PTPRD: variants seen among roughly 807,000 people sequenced by gnomAD.
PTPRD encodes protein tyrosine phosphatase receptor type D.
Under a neutral mutation model 214.5 loss-of-function variants are expected in PTPRD, and 34 were observed. The observed-to-expected ratio is 0.16, with a 90% CI of 0.12 to 0.21. The LOEUF (loss-of-function observed/expected upper bound fraction) is 0.21. Ranked by LOEUF, PTPRD falls within the 10% of genes least tolerant of loss-of-function variation. PTPRD has a pLI of 1.00. For missense variants in PTPRD, 2,545 were observed against 2,398.7 expected (o/e 1.06, Z -1.27); for synonymous variants, 1,128 against 845.7 (o/e 1.33, Z -5.79).
At chr9:9,371,081 GT>G (rs200027903) in intron 9 of PTPRD, among the ~76,000 whole-genome samples, 37,711 of 151,476 alleles carry the variant, frequency 0.25, 6,164 homozygotes, top group African/African-American at 0.45. Flanking sequence ...CTCTTTTTTT[GT>G]TTTTTTCTCT....
chr9:8,447,941 T>C (rs2095798842), intron 34 of PTPRD, among the ~76,000 whole-genome samples: 1 of 152,196 alleles, frequency 6.6e-6, no homozygotes, highest in Non-Finnish European at 1.5e-5. Context: ...CAAGGAATCA[T>C]GTAGCAGATC....
At chr9:9,793,963 CA>C (rs1387542568) in intron 5 of PTPRD, among the ~76,000 whole-genome samples, 1 of 151,830 alleles carries the variant, frequency 6.6e-6, no homozygotes, top group Non-Finnish European at 1.5e-5. Context: ...GAAGAATAAT[CA>C]AAAGGAGTAA....
intron 9 of PTPRD, among the ~76,000 whole-genome samples, chr9:9,313,761 A>G (rs1303532195): frequency 6.6e-6 from 1 of 152,210 alleles, no homozygotes; most frequent in African/African-American, 2.4e-5. Flanking sequence ...TCCACAGGCA[A>G]AGAATAACAA....
intron 7 of PTPRD, among the ~76,000 whole-genome samples, chr9:9,594,079 T>C (rs1344990079): frequency 2.0e-5 from 3 of 152,038 alleles, no homozygotes; most frequent in East Asian, 1.9e-4. Flanking sequence ...TCCTGTTGCA[T>C]TGAAAATATC....
At chr9:10,006,154 T>A (rs1406706404) in intron 4 of PTPRD, among the ~76,000 whole-genome samples, 1 of 152,038 alleles carries the variant, frequency 6.6e-6, no homozygotes, top group Non-Finnish European at 1.5e-5. Flanking sequence ...AGAGAAGCAC[T>A]AAAAATGTAA....
chr9:10,275,138 A>G (rs1382658923), intron 3 of PTPRD, among the ~76,000 whole-genome samples: 1 of 152,170 alleles, frequency 6.6e-6, no homozygotes, highest in African/African-American at 2.4e-5. Flanking sequence ...AGGACACTGT[A>G]TTACAGTGAT....
chr9:10,436,292 T>C (rs1450234853), intron 2 of PTPRD, among the ~76,000 whole-genome samples: 1 of 151,788 alleles, frequency 6.6e-6, no homozygotes, highest in Middle Eastern at 3.2e-3. Context: ...ATAAATCACA[T>C]AAATTGTTTT....
At chr9:9,136,055 C>T (rs1296858681) in intron 10 of PTPRD, among the ~76,000 whole-genome samples, 1 of 152,106 alleles carries the variant, frequency 6.6e-6, no homozygotes, top group African/African-American at 2.4e-5. Context: ...GAGAGAACAA[C>T]ATATTTCTTT....
At chr9:9,175,640 A>C (rs1012512342) in intron 10 of PTPRD, among the ~76,000 whole-genome samples, 14 of 151,308 alleles carry the variant, frequency 9.3e-5, no homozygotes, top group African/African-American at 2.9e-4. Context: ...AAAAAAAAAA[A>C]AAAAAAAAAA....
chr9:8,466,285 G>T (rs896965432), intron 31 of PTPRD, among the ~76,000 whole-genome samples: 1 of 151,896 alleles, frequency 6.6e-6, no homozygotes, highest in Admixed American at 6.6e-5. Context: ...CAATTAGGGT[G>T]CACTTCCTTA....
chr9:10,342,751 A>G, intron 2 of PTPRD, among the ~76,000 whole-genome samples: 1 of 152,120 alleles, frequency 6.6e-6, no homozygotes, highest in Non-Finnish European at 1.5e-5. Flanking sequence ...AGACTAAAGC[A>G]AAGTAAGTTA....
intron 2 of PTPRD, among the ~76,000 whole-genome samples, chr9:10,530,440 A>G (rs966680405): frequency 4.6e-5 from 7 of 152,212 alleles, no homozygotes; most frequent in African/African-American, 1.7e-4. Context: ...GTCTTGCAAA[A>G]AGTACATTTT....
chr9:8,821,391 C>T (rs984507111), intron 11 of PTPRD, among the ~76,000 whole-genome samples: 3 of 152,132 alleles, frequency 2.0e-5, no homozygotes, highest in African/African-American at 7.2e-5. Context: ...CCATAGTCTA[C>T]CCCACGCATC....
At chr9:8,531,756 A>G (rs1394224970) in intron 14 of PTPRD, among the ~76,000 whole-genome samples, 1 of 152,104 alleles carries the variant, frequency 6.6e-6, no homozygotes, top group Non-Finnish European at 1.5e-5. Flanking sequence ...GGAAGAACTG[A>G]GCCAATATTC....
intron 10 of PTPRD, among the ~76,000 whole-genome samples, chr9:9,084,425 G>T (rs1355329097): frequency 1.3e-5 from 2 of 152,132 alleles, no homozygotes; most frequent in East Asian, 3.9e-4. Context: ...TCTAGGGAGG[G>T]ATAGTATTAG....
intron 35 of PTPRD, among the ~76,000 whole-genome samples, chr9:8,421,299 T>A (rs2094342094): frequency 6.6e-6 from 1 of 152,136 alleles, no homozygotes; most frequent in African/African-American, 2.4e-5. Flanking sequence ...CTCTCTCTTC[T>A]TTCTGGCTTT....
At chr9:8,346,588 T>C (rs1857852380) in intron 39 of PTPRD, among the ~76,000 whole-genome samples, 1 of 152,156 alleles carries the variant, frequency 6.6e-6, no homozygotes, top group African/African-American at 2.4e-5. Flanking sequence ...AGTGTATCCA[T>C]GCTATACAGG....
At chr9:9,280,215 C>T (rs1354685610) in intron 9 of PTPRD, among the ~76,000 whole-genome samples, 1 of 151,082 alleles carries the variant, frequency 6.6e-6, no homozygotes, top group Non-Finnish European at 1.5e-5. Flanking sequence ...AGTGGAGAAT[C>T]CATATTGTGA....
At chr9:8,767,399 G>C (rs1483738860) in intron 11 of PTPRD, among the ~76,000 whole-genome samples, 1 of 152,098 alleles carries the variant, frequency 6.6e-6, no homozygotes, top group African/African-American at 2.4e-5. Flanking sequence ...TTACAGGTTT[G>C]AGCCACCACA....
Sources: allele counts gnomAD v4.1 joint callset (sites outside exome capture counted in the v4.1 genomes callset), GRCh38; gene constraint gnomAD v4.1.1; transcripts MANE v1.5; gene names NCBI Gene and HGNC (gene_info 2026-07-23, HGNC 2026-07-21).